Variants in DCC observed in about 807,000 individuals in gnomAD.
DCC encodes netrin receptor DCC.
DCC carries 58 observed loss-of-function variants against 172.5 expected under a neutral mutation model. The observed-to-expected ratio is 0.34, with a 90% CI of 0.27 to 0.42. DCC has a LOEUF of 0.42. Ranked by LOEUF, DCC falls within the 10% of genes least tolerant of loss-of-function variation. The probability of loss-of-function intolerance (pLI) is 1.00; values close to 1 mark genes in which losing one functional copy is unlikely to be tolerated. For synonymous variants in DCC, 709 were observed against 644.5 expected (o/e 1.10, Z -1.52); for missense variants, 1,740 against 1,791.0 (o/e 0.97, Z 0.51).
At chr18:52,647,550 G>T (rs1598985209) in intron 1 of DCC, among the ~76,000 whole-genome samples, 1 of 152,116 alleles carries the variant, frequency 6.6e-6, no homozygotes, top group South Asian at 2.1e-4. Context: ...TGCTAGGTGG[G>T]CCCCTTCCAC....
chr18:52,993,721 T>C (rs554933477), intron 5 of DCC, among the ~76,000 whole-genome samples: 2 of 152,244 alleles, frequency 1.3e-5, no homozygotes, highest in South Asian at 4.1e-4. Flanking sequence ...CCTGGGTGCA[T>C]ATTTCTGCTG....
At chr18:53,397,039 C>T (rs1908994380) in intron 17 of DCC, among the ~76,000 whole-genome samples, 1 of 151,260 alleles carries the variant, frequency 6.6e-6, no homozygotes, top group African/African-American at 2.4e-5. Flanking sequence ...TTAGACCTTT[C>T]AACATATCTT....
At chr18:52,819,133 T>C (rs1489460423) in intron 2 of DCC, among the ~76,000 whole-genome samples, 1 of 151,516 alleles carries the variant, frequency 6.6e-6, no homozygotes, top group Admixed American at 6.6e-5. Context: ...TGATTAACAA[T>C]ACAATCAAGT....
At chr18:52,644,769 A>G (rs1035606381) in intron 1 of DCC, among the ~76,000 whole-genome samples, 7 of 118,514 alleles carry the variant, frequency 5.9e-5, no homozygotes, top group African/African-American at 1.6e-4. Flanking sequence ...AGAGAGAAGG[A>G]AGAAAGGAAA....
At chr18:53,235,648 A>T (rs999517571) in intron 12 of DCC, among the ~76,000 whole-genome samples, 3 of 151,752 alleles carry the variant, frequency 2.0e-5, no homozygotes, top group African/African-American at 4.8e-5. Flanking sequence ...TACCATTTCA[A>T]CTGTTTTTAA....
chr18:52,981,976 C>T (rs2041218251), intron 5 of DCC, among the ~76,000 whole-genome samples: 1 of 151,884 alleles, frequency 6.6e-6, no homozygotes, highest in South Asian at 2.1e-4. Flanking sequence ...GCAGGAAACC[C>T]AAAGAGTTAG....
Position 53,238,154 on chromosome 18 carries a change from G to A in DCC, c.1911+22557G>A, listed in dbSNP as rs1029584062. Among the ~76,000 whole-genome samples the A allele has an allele frequency of 3.3e-5, 5 of 152,208 alleles. No homozygotes were observed. In the East Asian group the frequency reaches 9.7e-4, roughly 29 times the overall value. Reference sequence around the variant, plus strand: ...GCTGATTATTTCCTTCATGACAGCTGTTTTTACTTATGACACACAGAAATG... The same window carrying A: ...GCTGATTATTTCCTTCATGACAGCTATTTTTACTTATGACACACAGAAATG... On this transcript the variant is annotated intron_variant, in intron 12 of 28. Coordinates refer to ENST00000442544, the MANE Select transcript of DCC (RefSeq NM_005215.4).
chr18:52,777,697 A>G (rs1362313308), intron 2 of DCC, among the ~76,000 whole-genome samples: 1 of 152,102 alleles, frequency 6.6e-6, no homozygotes, highest in Non-Finnish European at 1.5e-5. Flanking sequence ...CCAGAAAGAT[A>G]CCTGTGCAGC....
intron 1 of DCC, among the ~76,000 whole-genome samples, chr18:52,471,820 T>C (rs1988954752): frequency 6.6e-6 from 1 of 152,210 alleles, no homozygotes; most frequent in African/African-American, 2.4e-5. Context: ...TTGGAATACT[T>C]TGTGTAACCT....
At chr18:52,588,139 C>G (rs770348928) in intron 1 of DCC, among the ~76,000 whole-genome samples, 1 of 152,218 alleles carries the variant, frequency 6.6e-6, no homozygotes, top group Non-Finnish European at 1.5e-5. Flanking sequence ...CAAGAGCTGT[C>G]TCTTAAACAG....
intron 5 of DCC, among the ~76,000 whole-genome samples, chr18:52,946,161 C>G (rs900749208): frequency 2.0e-5 from 3 of 152,176 alleles, no homozygotes; most frequent in South Asian, 2.1e-4. Context: ...TCCACTGAAT[C>G]AAGTACAGAT....
chr18:52,677,475 G>A (rs1249556624), intron 1 of DCC, among the ~76,000 whole-genome samples: 1 of 151,872 alleles, frequency 6.6e-6, no homozygotes, highest in African/African-American at 2.4e-5. Context: ...GTTCTGTGAT[G>A]CTTCTTTTTT....
chr18:53,150,221 A>G (rs898918058), intron 7 of DCC, among the ~76,000 whole-genome samples: 1 of 152,120 alleles, frequency 6.6e-6, no homozygotes, highest in South Asian at 2.1e-4. Flanking sequence ...TTTTCATTCT[A>G]CTTTGTAATT....
chr18:52,566,809 G>T (rs984784545), intron 1 of DCC, among the ~76,000 whole-genome samples: 2 of 151,906 alleles, frequency 1.3e-5, no homozygotes, highest in African/African-American at 4.8e-5. Context: ...AAGTAAAATG[G>T]TTTATTTGGG....
At chr18:53,148,202 T>C (rs1208629477) in intron 7 of DCC, among the ~76,000 whole-genome samples, 1 of 152,186 alleles carries the variant, frequency 6.6e-6, no homozygotes, top group African/African-American at 2.4e-5. Flanking sequence ...TACTGATCTA[T>C]ATCAGCAACG....
At chr18:53,244,906 C>A (rs2056347685) in intron 12 of DCC, among the ~76,000 whole-genome samples, 2 of 152,152 alleles carry the variant, frequency 1.3e-5, no homozygotes, top group South Asian at 2.1e-4. Flanking sequence ...ATTCATCCTG[C>A]CTTTAGGGGA....
intron 9 of DCC, among the ~76,000 whole-genome samples, chr18:53,193,448 TA>T (rs1360052366): frequency 1.3e-5 from 2 of 152,086 alleles, no homozygotes; most frequent in Non-Finnish European, 1.5e-5. Flanking sequence ...TATTTATTAT[TA>T]ATCTTCACAA....
At chr18:52,887,257 C>T (rs1483587689) in intron 2 of DCC, among the ~76,000 whole-genome samples, 1 of 151,904 alleles carries the variant, frequency 6.6e-6, no homozygotes, top group Non-Finnish European at 1.5e-5. Context: ...AATGCAGGCT[C>T]ATCTATCCTT....
chr18:52,850,620 T>A (rs2038960259), intron 2 of DCC, among the ~76,000 whole-genome samples: 1 of 152,086 alleles, frequency 6.6e-6, no homozygotes, highest in Non-Finnish European at 1.5e-5. Context: ...CCTTGACAGT[T>A]TTTTTCCCCA....
Sources: allele counts gnomAD v4.1 joint callset (sites outside exome capture counted in the v4.1 genomes callset), GRCh38; gene constraint gnomAD v4.1.1; transcripts MANE v1.5; gene names NCBI Gene and HGNC (gene_info 2026-07-23, HGNC 2026-07-21).